The following FAM20C variants were observed in gnomAD, a reference collection of about 807,000 sequenced individuals.
The protein encoded by FAM20C is extracellular serine/threonine protein kinase FAM20C.
Under a neutral mutation model 51.5 loss-of-function variants are expected in FAM20C, and 40 were observed. The ratio of observed to expected loss-of-function variants is 0.78; its 90% CI spans 0.60 to 1.01. The LOEUF is 1.01. FAM20C is among the 50% of genes least tolerant of loss of function. The probability of loss-of-function intolerance (pLI) is 0.00; values close to 1 mark genes in which losing one functional copy is unlikely to be tolerated. For synonymous variants in FAM20C, 406 were observed against 380.6 expected (o/e 1.07, Z -0.78); for missense variants, 861 against 844.7 (o/e 1.02, Z -0.24).
chr7:211,818 C>A (rs1007510191), intron 3 of FAM20C, among the ~76,000 whole-genome samples: 1 of 152,212 alleles, frequency 6.6e-6, no homozygotes, highest in Admixed American at 6.5e-5. Context: ...GAGGCTGGTC[C>A]GGGACTCCGT....
At chr7:237,334 G>A (rs1035295927) in intron 3 of FAM20C, among the ~76,000 whole-genome samples, 8 of 152,192 alleles carry the variant, frequency 5.3e-5, no homozygotes, top group African/African-American at 9.7e-5. Context: ...CCGAATCATC[G>A]GCAGATAGAA....
At chr7:220,741 A>G (rs1787225167) in intron 3 of FAM20C, among the ~76,000 whole-genome samples, 1 of 152,224 alleles carries the variant, frequency 6.6e-6, no homozygotes, top group African/African-American at 2.4e-5. Flanking sequence ...ACCCGTGCAC[A>G]CAGGAAGCTC....
chr7:259,631 T>TC (rs1788802777), intron 9 of FAM20C, 100 bp from the exon 10 acceptor site: 2 of 1,387,274 alleles, frequency 1.4e-6, no homozygotes, highest in East Asian at 2.5e-5. Flanking sequence ...TCTCTGTCTC[T>TC]CCCCCCACTC....
chr7:210,038 C>T lies in FAM20C; in HGVS notation c.863+1062C>T, dbSNP rs142185316. Among the ~76,000 whole-genome samples, 199 of 152,220 alleles carry T rather than the reference C, an allele frequency of 1.3e-3. 6 individuals carry two copies. In the East Asian group the frequency reaches 0.035, roughly 27 times the overall value. ...GGAGCCGGTGGATGAGTCACAGCCC[C>T]GTGCCTGAGCCCGGGCCGAGGGCAT... On this transcript the variant is annotated intron_variant, in intron 3 of 9. Transcript: ENST00000313766.
At chr7:219,455 C>A (rs1390980628) in intron 3 of FAM20C, among the ~76,000 whole-genome samples, 1 of 152,170 alleles carries the variant, frequency 6.6e-6, no homozygotes, top group Non-Finnish European at 1.5e-5. Flanking sequence ...GACAGCAACG[C>A]CCAGCCAGGG....
At chr7:255,563 G>GCA (rs1788558250) in intron 5 of FAM20C, among the ~76,000 whole-genome samples, 2 of 152,152 alleles carry the variant, frequency 1.3e-5, no homozygotes, top group Admixed American at 6.5e-5. Context: ...TTTTTTAAAA[G>GCA]ACTAAATGTT....
chr7:253,423 A>G (rs1388684480), intron 5 of FAM20C, among the ~76,000 whole-genome samples: 2 of 151,880 alleles, frequency 1.3e-5, no homozygotes, highest in Non-Finnish European at 2.9e-5. Flanking sequence ...CCGTGATGCC[A>G]TTTCCTGGTG....
rs1788573895 is a variant in FAM20C at position 255,960 on chromosome 7, T to C, written c.1184T>C (p.Leu395Pro). ...TCGCTGGCGGCCTTCCTGCCCGACC[T>C]GTCCCTGGCCAAGAGGAAGACCTGG... ...EGSLAAFLPD[L>P]SLAKRKTWRN... Residue 395 changes from leucine to proline, a missense_variant, in exon 6 of 10, where the codon CTG (leucine) becomes CCG (proline). Around this residue, in one of 3 missense-constraint regions of FAM20C, gnomAD observed 269 missense variants for 283.8 expected, o/e 0.95. Coordinates refer to ENST00000313766, the MANE Select transcript of FAM20C (RefSeq NM_020223.4). 1.3e-6 allele frequency: 2 copies of C among 1,536,202 alleles called. No individual in the cohort carries two copies. Among genetic ancestry groups the C allele is most frequent in the Non-Finnish European group, 1.7e-6 (2 of 1,146,830 alleles).
chr7:212,426 G>A (rs992550725), intron 3 of FAM20C, among the ~76,000 whole-genome samples: 7 of 152,148 alleles, frequency 4.6e-5, no homozygotes, highest in African/African-American at 1.4e-4. Flanking sequence ...TGACGCCACT[G>A]CACTCCAGCC....
intron 5 of FAM20C, among the ~76,000 whole-genome samples, chr7:252,085 C>G (rs568901950): frequency 1.3e-5 from 2 of 152,370 alleles, no homozygotes; most frequent in South Asian, 4.1e-4. Context: ...AAAATCTGTT[C>G]AGATTCGTTT....
Position 256,663 on chromosome 7 carries a change from G to A in FAM20C, c.1263G>A (p.Val421=). Residue 421 remains valine (V), a synonymous_variant, in exon 7 of 10, where the codon GTG becomes GTA. Coordinates refer to ENST00000313766, the MANE Select transcript of FAM20C (RefSeq NM_020223.4). ...YHKRKKAEWE[V]DPDYCEEVKQ... Reference sequence around the variant, plus strand: ...CGCTGGCTCCCCGCAGGTGGGAGGTGGACCCTGACTACTGCGAGGAGGTGA... The same window carrying A: ...CGCTGGCTCCCCGCAGGTGGGAGGTAGACCCTGACTACTGCGAGGAGGTGA... The A allele has an allele frequency of 6.5e-7, 1 of 1,535,980 alleles. No individual in the cohort carries two copies. Among genetic ancestry groups the A allele is most frequent in the African/African-American group, 1.4e-5 (1 of 73,178 alleles).
chr7:194,861 C>T (rs552882541), intron 1 of FAM20C, among the ~76,000 whole-genome samples: 10 of 151,814 alleles, frequency 6.6e-5, no homozygotes, highest in Admixed American at 1.3e-4. Flanking sequence ...GGACAAGTTC[C>T]GCGTTTCCCT....
chr7:231,433 C>G (rs1267254847), intron 3 of FAM20C, among the ~76,000 whole-genome samples: 1 of 150,074 alleles, frequency 6.7e-6, no homozygotes, highest in Admixed American at 6.6e-5. Context: ...AGGGTCCTGG[C>G]GTGGAGGGCC....
chr7:234,194 C>T (rs1008494916), intron 3 of FAM20C, among the ~76,000 whole-genome samples: 14 of 152,250 alleles, frequency 9.2e-5, no homozygotes, highest in Non-Finnish European at 8.8e-5. Flanking sequence ...GGCTCGGCCG[C>T]CAGGATTTCA....
In FAM20C at chr7:195,584, C is replaced by G; in HGVS notation, c.636C>G (p.Phe212Leu). The change falls in exon 2 of 10, where the codon TTC (phenylalanine) becomes TTG (leucine). Residue 212 changes from phenylalanine (F) to leucine (L), a missense_variant. By Grantham distance (22) the Phe-to-Leu change is conservative (BLOSUM62 0). Around this residue, in one of 3 missense-constraint regions of FAM20C, gnomAD observed 561 missense variants for 499.8 expected, o/e 1.12. Transcript: ENST00000313766. ...WPHAGAEGAEFLSPGEAAVDS... is the reference protein window; with the variant it reads ...WPHAGAEGAELLSPGEAAVDS... ...ATGCGGGTGCTGAAGGTGCAGAATT[C>G]CTCTCCCCCGGGGAGGCGGCCGTGG... 6.3e-7 allele frequency: 1 copy of G among 1,595,656 alleles called. No individual in the cohort carries two copies. Among genetic ancestry groups the G allele is most frequent in the Non-Finnish European group, 8.5e-7 (1 of 1,170,224 alleles).
At chr7:237,565 G>A (rs1787883642) in intron 3 of FAM20C, among the ~76,000 whole-genome samples, 1 of 152,094 alleles carries the variant, frequency 6.6e-6, no homozygotes, top group African/African-American at 2.4e-5. Flanking sequence ...TGATGACCAT[G>A]GTAGGAGTGG....
chr7:233,948 G>C (rs1044189174), intron 3 of FAM20C, among the ~76,000 whole-genome samples: 6 of 152,312 alleles, frequency 3.9e-5, no homozygotes, highest in South Asian at 2.1e-4. Flanking sequence ...GCCAGCTCTG[G>C]GGGGAGGGAG....
At chr7:251,565 TAA>T (rs1788406553) in intron 5 of FAM20C, among the ~76,000 whole-genome samples, 1 of 151,814 alleles carries the variant, frequency 6.6e-6, no homozygotes, top group Admixed American at 6.6e-5. Context: ...GCAGGTGAAT[TAA>T]GTCACCTCTA....
rs553928524 is a variant in FAM20C, at chr7:193,673, C to T, written c.474C>T (p.Ala158=). ...CGCCCCCCGGCCCCGGCGGAGACGC[C>T]TCCCTCCTGGCCAGGCTGTTCGAGC... ...SESPPGPGGD[A]SLLARLFEHP... Residue 158 remains alanine (A), a synonymous_variant, in exon 1 of 10, where the codon GCC becomes GCT. Coordinates refer to ENST00000313766, the MANE Select transcript of FAM20C (RefSeq NM_020223.4). 91 of 1,543,250 alleles carry T rather than the reference C, an allele frequency of 5.9e-5. No individual in the cohort carries two copies. In the African/African-American group the frequency reaches 1.0e-3, roughly 17 times the overall value.
Sources: allele counts gnomAD v4.1 joint callset (sites outside exome capture counted in the v4.1 genomes callset), GRCh38; gene constraint gnomAD v4.1.1; regional missense constraint gnomAD v4.1.1; transcripts MANE v1.5; gene names NCBI Gene and HGNC (gene_info 2026-07-23, HGNC 2026-07-21).